The following DMTF1 variants were observed in gnomAD, a reference collection of about 807,000 sequenced individuals.
DMTF1 encodes the protein cyclin D binding myb like transcription factor 1.
DMTF1 carries 39 observed loss-of-function variants against 91.1 expected under a neutral mutation model. The ratio of observed to expected loss-of-function variants is 0.43; its 90% CI spans 0.33 to 0.56. The LOEUF (loss-of-function observed/expected upper bound fraction) is 0.56, where lower values mean the gene tolerates loss of function less well. Ranked by LOEUF, DMTF1 falls within the 20% of genes least tolerant of loss-of-function variation. The pLI, the probability that DMTF1 is intolerant of heterozygous loss-of-function variation, is 0.05. For synonymous variants in DMTF1, 338 were observed against 309.5 expected, an observed-to-expected ratio of 1.09 and a Z score of -0.97; for missense variants, 750 against 914.5, an observed-to-expected ratio of 0.82 and a Z score of 2.32.
intron 6 of DMTF1, 114 bp from the exon 7 acceptor site, chr7:87,174,479 T>G: frequency 1.5e-6 from 1 of 683,314 alleles, no homozygotes; most frequent in Non-Finnish European, 2.4e-6. Flanking sequence ...GAATGAGAAA[T>G]GAAATTAGCT....
rs1796937270 is a variant in DMTF1 at position 87,179,709 on chromosome 7, G to A, written c.677+7G>A. The A allele has an allele frequency of 2.6e-6, 4 of 1,563,626 alleles. No individual in the cohort carries two copies. Among genetic ancestry groups the A allele is most frequent in the Middle Eastern group, 1.7e-4 (1 of 5,960 alleles). On this transcript the variant is annotated splice_region_variant and intron_variant, in intron 8 of 17. Transcript: ENST00000331242. ...ACAGAAACCATGTGGGAAAGTATGAGAACTTGTAATGCTGCATGTTTTCAT... is the reference window on the plus strand; with the variant it reads ...ACAGAAACCATGTGGGAAAGTATGAAAACTTGTAATGCTGCATGTTTTCAT...
At chr7:87,170,875 T>C (rs566154199) in intron 4 of DMTF1, 120 bp from the exon 5 acceptor site, 1 of 671,872 alleles carries the variant, frequency 1.5e-6, no homozygotes, top group East Asian at 2.8e-5. Context: ...TATGTGAAGA[T>C]GTATTAACAA....
intron 17 of DMTF1, 26 bp downstream of exon 17, chr7:87,194,854 T>C: frequency 6.3e-7 from 1 of 1,580,248 alleles, no homozygotes; most frequent in South Asian, 1.2e-5. Flanking sequence ...ACTTACTATG[T>C]GCCTGATAAA....
At chr7:87,171,416 A>G (rs1173307552) in intron 5 of DMTF1, among the ~76,000 whole-genome samples, 1 of 152,228 alleles carries the variant, frequency 6.6e-6, no homozygotes, top group Admixed American at 6.5e-5. Flanking sequence ...GAAAGTCAGC[A>G]TAGTTAAAAA....
intron 14 of DMTF1, among the ~76,000 whole-genome samples, chr7:87,191,989 ACT>A (rs1484498185): frequency 6.6e-6 from 1 of 152,148 alleles, no homozygotes; most frequent in Non-Finnish European, 1.5e-5. Flanking sequence ...CTGGCAGCTT[ACT>A]TAACCTAAGT....
At position 87,179,717 on chromosome 7, in the gene DMTF1, A is replaced by C; in HGVS notation, c.677+15A>C. The stretch of plus-strand genomic sequence containing the variant: ...CATGTGGGAAAGTATGAGAACTTGT[A>C]ATGCTGCATGTTTTCATGTAATTAG... On this transcript the variant is annotated intron_variant, in intron 8 of 17. Transcript: ENST00000331242. 1 of 1,555,516 alleles carries C rather than the reference A, an allele frequency of 6.4e-7. No homozygotes were observed. The highest frequency in any genetic ancestry group is 8.6e-7 in the Non-Finnish European group (1 of 1,160,810).
At chr7:87,191,104 G>A in intron 14 of DMTF1, 77 bp downstream of exon 14, 1 of 943,352 alleles carries the variant, frequency 1.1e-6, no homozygotes, top group South Asian at 1.6e-5. Context: ...TGTTTCATTT[G>A]CTTATGATTC....
chr7:87,158,043 A>G (rs1204216313), intron 1 of DMTF1, among the ~76,000 whole-genome samples: 9 of 152,130 alleles, frequency 5.9e-5, no homozygotes, highest in Non-Finnish European at 5.9e-5. Context: ...TTTCATGCAT[A>G]AATAACAATC....
At chr7:87,178,086 C>A (rs1454390587) in intron 7 of DMTF1, among the ~76,000 whole-genome samples, 1 of 152,090 alleles carries the variant, frequency 6.6e-6, no homozygotes, top group East Asian at 1.9e-4. Flanking sequence ...AATATCTTCA[C>A]AGTATGTCAT....
Position 87,194,300 on chromosome 7 carries a change from C to T in DMTF1, c.2028+198C>T, listed in dbSNP as rs1229582105. The T allele has an allele frequency of 8.6e-6, 5 of 583,488 alleles. No homozygotes were observed. The African/African-American group carries it at 9.5e-5, about 11-fold the overall frequency. The allele number at this position is 583,488 out of a possible 1,614,324, so 36.1% of individuals were successfully genotyped here. ...GAAGAATAAGAAAACCATGTTCTATCTTACCACAGTTCCTCACTAAAACTT... is the reference window on the plus strand; with the variant it reads ...GAAGAATAAGAAAACCATGTTCTATTTTACCACAGTTCCTCACTAAAACTT... On this transcript the variant is annotated intron_variant, in intron 16 of 17. Transcript: ENST00000331242.
chr7:87,187,787 A>G (rs1199320621), intron 12 of DMTF1: 2 of 350,132 alleles, frequency 5.7e-6, no homozygotes, highest in Non-Finnish European at 5.2e-6. Flanking sequence ...TAATAATCCT[A>G]TCAAGACACC....
intron 12 of DMTF1, chr7:87,187,752 T>A (rs570260899): frequency 3.6e-6 from 1 of 274,288 alleles, no homozygotes; most frequent in South Asian, 4.8e-5. Flanking sequence ...ATAAGCTGTT[T>A]AGCATTGCCA....
At chr7:87,162,765 T>G (rs1200380416) in intron 1 of DMTF1, 1 of 151,990 alleles carries the variant, frequency 6.6e-6, no homozygotes, top group African/African-American at 2.4e-5. Context: ...AATTAGAATT[T>G]TAATCCCTAA....
At chr7:87,161,218 C>T (rs1792289808) in intron 1 of DMTF1, among the ~76,000 whole-genome samples, 1 of 152,026 alleles carries the variant, frequency 6.6e-6, no homozygotes, top group South Asian at 2.1e-4. Context: ...GATGACGGGA[C>T]CAGGCACATT....
At chr7:87,161,433 C>T (rs538040749) in intron 1 of DMTF1, among the ~76,000 whole-genome samples, 122 of 152,240 alleles carry the variant, frequency 8.0e-4, no homozygotes, top group African/African-American at 2.8e-3. Flanking sequence ...ACCTGGGAGG[C>T]GGAGGTTGCA....
intron 2 of DMTF1, among the ~76,000 whole-genome samples, chr7:87,164,011 A>G (rs191207431): frequency 4.0e-4 from 59 of 148,050 alleles, no homozygotes; most frequent in African/African-American, 1.4e-3. Context: ...GCCTGTGAAT[A>G]GCCTCTGCAC....
chr7:87,168,931 G>T (rs1301049323), intron 4 of DMTF1, among the ~76,000 whole-genome samples: 4 of 152,122 alleles, frequency 2.6e-5, no homozygotes, highest in Non-Finnish European at 5.9e-5. Flanking sequence ...GAAGTAACCA[G>T]AAAATAATTT....
chr7:87,184,338 C>T, intron 10 of DMTF1, 59 bp from the exon 11 acceptor site: 6 of 1,491,448 alleles, frequency 4.0e-6, no homozygotes, highest in Non-Finnish European at 5.5e-6. Flanking sequence ...AAATAGAGGG[C>T]TGAATCAGAT....
intron 4 of DMTF1, among the ~76,000 whole-genome samples, chr7:87,168,372 A>C (rs1794294913): frequency 6.6e-6 from 1 of 151,914 alleles, no homozygotes; most frequent in East Asian, 1.9e-4. Flanking sequence ...TACCACTCTT[A>C]CCTATTACTA....
Sources: allele counts gnomAD v4.1 joint callset (sites outside exome capture counted in the v4.1 genomes callset), GRCh38; gene constraint gnomAD v4.1.1; transcripts MANE v1.5; gene names NCBI Gene and HGNC (gene_info 2026-07-23, HGNC 2026-07-21).